CSMD2: variants seen among roughly 807,000 people sequenced by gnomAD.
CSMD2 encodes CUB and sushi domain-containing protein 2.
A neutral mutation model predicts 398.5 loss-of-function variants in CSMD2; 130 were observed. That is an observed-to-expected ratio of 0.33 (90% CI 0.28 to 0.38). The LOEUF is 0.38. CSMD2 is among the 10% of genes least tolerant of loss of function. The pLI is 1.00. For missense variants in CSMD2, 3,829 were observed against 4,764.9 expected (o/e 0.80, Z 5.78); for synonymous variants, 1,828 against 1,908.5 (o/e 0.96, Z 1.10).
At chr1:33,955,627 T>C (rs1302039148) in intron 3 of CSMD2, among the ~76,000 whole-genome samples, 1 of 152,138 alleles carries the variant, frequency 6.6e-6, no homozygotes, top group African/African-American at 2.4e-5. Flanking sequence ...TGTAGAATAA[T>C]GAAAGTACCT....
chr1:33,686,453 A>G (rs1645064634), intron 25 of CSMD2, among the ~76,000 whole-genome samples: 1 of 152,196 alleles, frequency 6.6e-6, no homozygotes, highest in African/African-American at 2.4e-5. Flanking sequence ...CTTAGGAAGA[A>G]GCACTTGCCA....
chr1:33,600,927 T>C lies in CSMD2; in HGVS notation c.6794A>G (p.Gln2265Arg). The C allele has an allele frequency of 6.2e-7, 1 of 1,614,116 alleles. No individual in the cohort carries two copies. The highest frequency in any genetic ancestry group is 8.5e-7 in the Non-Finnish European group (1 of 1,180,026). ...AKKTVQSSSNQVLLKFHRDAA... is the reference protein window; with the variant it reads ...AKKTVQSSSNRVLLKFHRDAA... ...ATCACGGTGGAACTTGAGCAGGACC[T>C]GGTTGGATGAACTCTGCACTGTTTT... The change falls in exon 44 of 71, where the codon CAG (glutamine) becomes CGG (arginine). Residue 2265 changes from glutamine to arginine, a missense_variant. Gln to Arg is a conservative substitution (Grantham distance 43). Around this residue, in one of 5 missense-constraint regions of CSMD2, gnomAD observed 723 missense variants for 758.6 expected, o/e 0.95. Coordinates refer to ENST00000373381, the MANE Select transcript of CSMD2 (RefSeq NM_001281956.2).
chr1:34,125,454 C>T (rs1167624138), intron 1 of CSMD2, among the ~76,000 whole-genome samples: 1 of 152,096 alleles, frequency 6.6e-6, no homozygotes, highest in Admixed American at 6.5e-5. Flanking sequence ...CTCCAGGGCA[C>T]ACACAGGTAG....
chr1:33,833,240 C>A (rs2125042685), intron 6 of CSMD2, among the ~76,000 whole-genome samples: 2 of 99,130 alleles, frequency 2.0e-5, no homozygotes, highest in Non-Finnish European at 3.8e-5. Flanking sequence ...AACATTGATG[C>A]AAAAATCCTC....
At position 33,658,183 on chromosome 1, in the gene CSMD2, G is replaced by A. The variant is rs768059167; in HGVS notation, c.4256-46C>T. 5 of 1,554,038 alleles carry A rather than the reference G, an allele frequency of 3.2e-6. No homozygotes were observed. The South Asian group carries it at 5.8e-5, about 18-fold the overall frequency. On this transcript the variant is annotated intron_variant, in intron 26 of 70. Coordinates refer to ENST00000373381, the MANE Select transcript of CSMD2 (RefSeq NM_001281956.2). ...AGAGGGTAAGGTCGCCTGGGTGTCT[G>A]CCACTCAGGAGGCTCCCAGCTCATC... is the stretch of plus-strand genomic sequence containing the variant.
intron 2 of CSMD2, among the ~76,000 whole-genome samples, chr1:34,085,024 A>T (rs371268127): frequency 3.9e-5 from 6 of 152,186 alleles, no homozygotes; most frequent in South Asian, 2.1e-4. Flanking sequence ...ATGTGGCACA[A>T]ATACACCATG....
At chr1:33,894,605 G>A (rs1224215538) in intron 5 of CSMD2, among the ~76,000 whole-genome samples, 1 of 152,134 alleles carries the variant, frequency 6.6e-6, no homozygotes, top group Non-Finnish European at 1.5e-5. Flanking sequence ...GTGGTAGCTG[G>A]TATGACCACC....
rs78276864 is a variant in CSMD2 at position 33,951,618 on chromosome 1, C to T, written c.518-15664G>A. Among the ~76,000 whole-genome samples the T allele has an allele frequency of 4.7e-3, 713 of 152,328 alleles. 6 individuals are homozygous for T. Among genetic ancestry groups the T allele is most frequent in the African/African-American group, 0.014 (582 of 41,566 alleles). Reference sequence around the variant, plus strand: ...TTCAGGTTCCCTGCCAGGCTCACTTCCTTCTCCAATCCTCGCTCCAACACT... The same window carrying T: ...TTCAGGTTCCCTGCCAGGCTCACTTTCTTCTCCAATCCTCGCTCCAACACT... On this transcript the variant is annotated intron_variant, in intron 3 of 70. Transcript: ENST00000373381.
rs534189578 is a variant in CSMD2, at chr1:34,019,067, TC to T, written c.517+13526del. Reference sequence around the variant, plus strand: ...TGACCTCAAGCAAGTTACTTAACTTTCAGTGCCTCATCTGTAAAATGGAGAT... The same window carrying T: ...TGACCTCAAGCAAGTTACTTAACTTTAGTGCCTCATCTGTAAAATGGAGAT... On this transcript the variant is annotated intron_variant, in intron 3 of 70. Coordinates refer to ENST00000373381, the MANE Select transcript of CSMD2 (RefSeq NM_001281956.2). 3.3e-5 allele frequency among the ~76,000 whole-genome samples: 5 copies of T among 152,334 alleles called. No homozygotes were observed. The South Asian group carries it at 6.2e-4, about 19-fold the overall frequency.
At chr1:33,659,397 C>A (rs1472286761) in intron 26 of CSMD2, among the ~76,000 whole-genome samples, 6 of 152,226 alleles carry the variant, frequency 3.9e-5, no homozygotes, top group African/African-American at 1.4e-4. Context: ...TCCCAGTCCC[C>A]AGCTATGTCA....
chr1:34,124,149 T>A (rs1459056556), intron 1 of CSMD2, among the ~76,000 whole-genome samples: 1 of 152,230 alleles, frequency 6.6e-6, no homozygotes, highest in Non-Finnish European at 1.5e-5. Flanking sequence ...AAGGAAATTA[T>A]AAGCTTTAGA....
intron 13 of CSMD2, among the ~76,000 whole-genome samples, chr1:33,745,913 G>T (rs1188179466): frequency 1.3e-5 from 2 of 152,120 alleles, no homozygotes; most frequent in African/African-American, 4.8e-5. Flanking sequence ...ATGCTACGAG[G>T]TAGGTATTGT....
intron 44 of CSMD2, among the ~76,000 whole-genome samples, chr1:33,589,482 A>ATTTAT (rs1475736437): frequency 6.6e-6 from 1 of 152,228 alleles, no homozygotes; most frequent in Non-Finnish European, 1.5e-5. Context: ...AAAAAGCAGC[A>ATTTAT]TTTATTTTAT....
At chr1:34,108,850 G>C (rs2148435731) in intron 1 of CSMD2, among the ~76,000 whole-genome samples, 1 of 152,276 alleles carries the variant, frequency 6.6e-6, no homozygotes, top group Non-Finnish European at 1.5e-5. Flanking sequence ...GGCAATCCTT[G>C]CAAGGTGTAC....
intron 3 of CSMD2, among the ~76,000 whole-genome samples, chr1:33,944,556 A>T (rs1361698274): frequency 6.6e-6 from 1 of 152,254 alleles, no homozygotes; most frequent in Non-Finnish European, 1.5e-5. Flanking sequence ...GTTGGTAAAG[A>T]TGACCTCATT....
chr1:33,656,540 C>T (rs1463369783), intron 27 of CSMD2, among the ~76,000 whole-genome samples: 1 of 152,226 alleles, frequency 6.6e-6, no homozygotes, highest in African/African-American at 2.4e-5. Context: ...GGCCAGTCCT[C>T]AGAGGCCTGG....
At chr1:33,751,214 A>G (rs1296554573) in intron 13 of CSMD2, among the ~76,000 whole-genome samples, 3 of 152,170 alleles carry the variant, frequency 2.0e-5, no homozygotes, top group African/African-American at 7.2e-5. Flanking sequence ...TGGGAAAAAA[A>G]AAAAAGATGG....
intron 5 of CSMD2, among the ~76,000 whole-genome samples, chr1:33,909,543 T>C (rs545021632): frequency 2.0e-5 from 3 of 152,172 alleles, no homozygotes; most frequent in African/African-American, 7.2e-5. Flanking sequence ...CACCATTGCA[T>C]TCCCAGTGCC....
chr1:33,658,102 G>T lies in CSMD2; in HGVS notation c.4291C>A (p.Pro1431Thr), dbSNP rs867464832. Residue 1431 changes from proline to threonine, a missense_variant, in exon 27 of 71, where the codon CCG (proline) becomes ACG (threonine). Physicochemically the swap from Pro to Thr is conservative, Grantham distance 38. Around this residue, in one of 5 missense-constraint regions of CSMD2, gnomAD observed 2,001 missense variants for 2,567.1 expected, o/e 0.78. Transcript: ENST00000373381. Reference sequence around the variant, plus strand: ...TCACCACTCCGACTCCCATTCTGCGGGATCCCAGGGTCATTGCAGGACGTT... The same window carrying T: ...TCACCACTCCGACTCCCATTCTGCGTGATCCCAGGGTCATTGCAGGACGTT... The part of the protein sequence containing the change: ...TATSCNDPGI[P>T]QNGSRSGDSW... 1 of 1,614,054 alleles carries T rather than the reference G, an allele frequency of 6.2e-7. No homozygotes were observed. The highest frequency in any genetic ancestry group is 8.5e-7 in the Non-Finnish European group (1 of 1,180,020).
Sources: allele counts gnomAD v4.1 joint callset (sites outside exome capture counted in the v4.1 genomes callset), GRCh38; gene constraint gnomAD v4.1.1; regional missense constraint gnomAD v4.1.1; transcripts MANE v1.5; gene names NCBI Gene and HGNC (gene_info 2026-07-23, HGNC 2026-07-21).